Variants in SHISA6 observed in about 807,000 individuals in gnomAD.
SHISA6 encodes protein shisa-6.
A neutral mutation model predicts 47.9 loss-of-function variants in SHISA6; 22 were observed. That is an observed-to-expected ratio of 0.46 (90% CI 0.33 to 0.66). The LOEUF (loss-of-function observed/expected upper bound fraction) is 0.66, where lower values mean the gene tolerates loss of function less well. Among genes scored for constraint, SHISA6 ranks in the 30% least tolerant of loss-of-function variants. SHISA6 has a pLI of 0.02. For synonymous variants in SHISA6, 388 were observed against 337.8 expected, an observed-to-expected ratio of 1.15 and a Z score of -1.63; for missense variants, 680 against 764.6, an observed-to-expected ratio of 0.89 and a Z score of 1.30.
chr17:11,285,473 G>A (rs1909263864), intron 2 of SHISA6, among the ~76,000 whole-genome samples: 2 of 152,078 alleles, frequency 1.3e-5, no homozygotes, highest in Non-Finnish European at 2.9e-5. Context: ...GGGGAGAAGG[G>A]GTGTCATTTT....
intron 2 of SHISA6, among the ~76,000 whole-genome samples, chr17:11,344,030 A>T (rs1396716061): frequency 6.6e-6 from 1 of 152,154 alleles, no homozygotes; most frequent in Non-Finnish European, 1.5e-5. Flanking sequence ...TAGTGGGCGT[A>T]AAGTGGTGTC....
rs139180927 is a variant in SHISA6 at position 11,343,330 on chromosome 17, A to G, written c.800-36084A>G. Among the ~76,000 whole-genome samples the G allele has an allele frequency of 8.2e-3, 1,254 of 152,268 alleles. 11 individuals are homozygous for G. Among genetic ancestry groups the G allele is most frequent in the African/African-American group, 0.024 (986 of 41,564 alleles). ...TAATTCCAGGGCACTTTATTAGCCC[A>G]TGTTCACAAGGATCAGTGGCTTACC... On this transcript the variant is annotated intron_variant, in intron 2 of 5. Transcript: ENST00000441885.
intron 3 of SHISA6, among the ~76,000 whole-genome samples, chr17:11,499,071 C>T (rs950053525): frequency 1.3e-5 from 2 of 152,184 alleles, no homozygotes; most frequent in South Asian, 2.1e-4. Flanking sequence ...GCACCCTCAG[C>T]ACGTGGACTG....
intron 1 of SHISA6, among the ~76,000 whole-genome samples, chr17:11,253,676 A>G (rs971549579): frequency 8.5e-5 from 13 of 152,126 alleles, no homozygotes; most frequent in Admixed American, 5.2e-4. Context: ...AGCTGCTTCA[A>G]ATCTCCTTTG....
At chr17:11,452,649 CCTCT>C (rs745436421) in intron 3 of SHISA6, among the ~76,000 whole-genome samples, 8 of 16,112 alleles carry the variant, frequency 5.0e-4, no homozygotes, top group South Asian at 2.8e-3. Context: ...CTCTTCCTCT[CCTCT>C]CTCTTTCTCC....
At chr17:11,447,594 C>T (rs1272338095) in intron 3 of SHISA6, among the ~76,000 whole-genome samples, 2 of 152,210 alleles carry the variant, frequency 1.3e-5, no homozygotes, top group Non-Finnish European at 2.9e-5. Flanking sequence ...TACCCCACAC[C>T]CAGCTAAACG....
chr17:11,511,114 A>T (rs1415943484), intron 3 of SHISA6, among the ~76,000 whole-genome samples: 1 of 152,192 alleles, frequency 6.6e-6, no homozygotes, highest in Non-Finnish European at 1.5e-5. Context: ...CATAAAAAAG[A>T]ATGAATTCAT....
intron 3 of SHISA6, among the ~76,000 whole-genome samples, chr17:11,406,491 T>C (rs1913965032): frequency 6.6e-6 from 1 of 152,162 alleles, no homozygotes; most frequent in Non-Finnish European, 1.5e-5. Context: ...GACATCACCT[T>C]CCCAGGCACC....
At chr17:11,276,354 G>A (rs1397552323) in intron 2 of SHISA6, among the ~76,000 whole-genome samples, 1 of 152,148 alleles carries the variant, frequency 6.6e-6, no homozygotes, top group Non-Finnish European at 1.5e-5. Context: ...TCACCCGGGT[G>A]ATGGGAGGGA....
chr17:11,368,918 G>T (rs2142235873), intron 2 of SHISA6, among the ~76,000 whole-genome samples: 1 of 152,292 alleles, frequency 6.6e-6, no homozygotes, highest in Middle Eastern at 3.4e-3. Flanking sequence ...GCCTCCCAAA[G>T]TGCTGGGATT....
At chr17:11,366,794 G>A (rs1912465905) in intron 2 of SHISA6, among the ~76,000 whole-genome samples, 1 of 152,220 alleles carries the variant, frequency 6.6e-6, no homozygotes. Context: ...AAAGACTGGA[G>A]GAGAAATGGT....
chr17:11,455,834 C>T (rs535205646), intron 3 of SHISA6, among the ~76,000 whole-genome samples: 53 of 152,230 alleles, frequency 3.5e-4, no homozygotes, highest in Admixed American at 2.4e-3. Flanking sequence ...TTCTGGTCAT[C>T]GAAAAGCTCT....
intron 1 of SHISA6, among the ~76,000 whole-genome samples, chr17:11,260,980 G>A (rs1466389126): frequency 6.6e-6 from 1 of 152,144 alleles, no homozygotes; most frequent in Non-Finnish European, 1.5e-5. Context: ...AAGTAGCTCA[G>A]GCCTTAACCC....
intron 3 of SHISA6, among the ~76,000 whole-genome samples, chr17:11,500,024 A>G (rs1023185723): frequency 9.9e-5 from 15 of 152,192 alleles, no homozygotes; most frequent in African/African-American, 3.6e-4. Context: ...AATAATGGCT[A>G]TGAGCATCAG....
At chr17:11,275,865 A>G (rs111538358) in intron 2 of SHISA6, among the ~76,000 whole-genome samples, 129 of 151,646 alleles carry the variant, frequency 8.5e-4, no homozygotes, top group African/African-American at 3.1e-3. Flanking sequence ...CTTGAGTTTC[A>G]TTCTGGATGT....
At chr17:11,305,255 C>T (rs1597449259) in intron 2 of SHISA6, among the ~76,000 whole-genome samples, 1 of 152,212 alleles carries the variant, frequency 6.6e-6, no homozygotes, top group Admixed American at 6.5e-5. Context: ...AGGACATTGT[C>T]AGCATTCCAT....
rs576311125 is a variant in SHISA6, at chr17:11,387,225, G to T, written c.895+7716G>T. Among the ~76,000 whole-genome samples the T allele has an allele frequency of 2.0e-5, 3 of 152,300 alleles. No individual in the cohort carries two copies. The South Asian group carries it at 6.2e-4, about 32-fold the overall frequency. ...CTCGTCATCCCATCCAAATAATGCT[G>T]TTGGGGACTGGTTTGGGTATGGCCA... On this transcript the variant is annotated intron_variant, in intron 3 of 5. Coordinates refer to ENST00000441885, the MANE Select transcript of SHISA6 (RefSeq NM_207386.4).
chr17:11,303,941 A>T (rs1210883537), intron 2 of SHISA6, among the ~76,000 whole-genome samples: 1 of 152,140 alleles, frequency 6.6e-6, no homozygotes, highest in East Asian at 1.9e-4. Context: ...AGAAGAGGCC[A>T]TGTTTCCAGC....
chr17:11,494,148 TATCTC>T (rs1443822005), intron 3 of SHISA6, among the ~76,000 whole-genome samples: 5 of 152,108 alleles, frequency 3.3e-5, no homozygotes, highest in Admixed American at 6.5e-5. Context: ...CTCAGGGACT[TATCTC>T]AGGCAGAGCC....
Sources: allele counts gnomAD v4.1 joint callset (sites outside exome capture counted in the v4.1 genomes callset), GRCh38; gene constraint gnomAD v4.1.1; transcripts MANE v1.5; gene names NCBI Gene and HGNC (gene_info 2026-07-23, HGNC 2026-07-21).